Variants in SCMH1 observed in about 807,000 individuals in gnomAD.
SCMH1 encodes the protein polycomb protein SCMH1.
SCMH1 carries 37 observed loss-of-function variants against 70.8 expected under a neutral mutation model. The observed-to-expected ratio is 0.52, with a 90% CI of 0.40 to 0.69. The LOEUF (loss-of-function observed/expected upper bound fraction) is 0.69, where lower values mean the gene tolerates loss of function less well. Among genes scored for constraint, SCMH1 ranks in the 30% least tolerant of loss-of-function variants. SCMH1 has a pLI of 0.00. For missense variants in SCMH1, 607 were observed against 827.3 expected, an observed-to-expected ratio of 0.73 and a Z score of 3.27; for synonymous variants, 292 against 307.4, an observed-to-expected ratio of 0.95 and a Z score of 0.52.
intron 12 of SCMH1, chr1:41,045,938 C>T (rs1646848183): frequency 6.5e-6 from 1 of 153,432 alleles, no homozygotes; most frequent in Admixed American, 6.5e-5. Context: ...ACTTGCTAGA[C>T]TGGCAGTGCT....
At chr1:41,048,657 G>C (rs1371689642) in intron 11 of SCMH1, 33 bp downstream of exon 11, 2 of 1,598,034 alleles carry the variant, frequency 1.3e-6, no homozygotes, top group Non-Finnish European at 1.7e-6. Flanking sequence ...GGTCCTTCTG[G>C]CTGGGAGGCA....
intron 6 of SCMH1, among the ~76,000 whole-genome samples, chr1:41,129,264 A>T (rs1674005293): frequency 6.6e-6 from 1 of 152,104 alleles, no homozygotes; most frequent in Admixed American, 6.6e-5. Context: ...CATTAAGTCC[A>T]TTCACATTAT....
chr1:41,100,407 CATGGCCATT>C, intron 8 of SCMH1, among the ~76,000 whole-genome samples: 1 of 152,204 alleles, frequency 6.6e-6, no homozygotes, highest in East Asian at 1.9e-4. Context: ...CCTCATCTAG[CATGGCCATT>C]ATGTCTTTAA....
At position 41,181,406 on chromosome 1, in the gene SCMH1, C is replaced by A. The variant is rs1296014522; in HGVS notation, c.13+4715G>T. ...CAAAAGAAACTACCATCAGAGTGAA[C>A]AGGCAACCTACAGAATGGGAGAAAA... On this transcript the variant is annotated intron_variant, in intron 2 of 14. Transcript: ENST00000337495. Among the ~76,000 whole-genome samples, 4 of 152,150 alleles carry A rather than the reference C, an allele frequency of 2.6e-5. No homozygotes were observed. The South Asian group carries it at 6.2e-4, about 24-fold the overall frequency.
chr1:41,143,400 AC>A (rs1644273939), intron 5 of SCMH1, among the ~76,000 whole-genome samples: 1 of 152,090 alleles, frequency 6.6e-6, no homozygotes, highest in Non-Finnish European at 1.5e-5. Flanking sequence ...CTAACTCCCT[AC>A]CCTTCCAGGT....
At chr1:41,112,131 T>A (rs548922131) in intron 8 of SCMH1, among the ~76,000 whole-genome samples, 3 of 152,372 alleles carry the variant, frequency 2.0e-5, no homozygotes, top group South Asian at 2.1e-4. Context: ...ATTATCTATA[T>A]GAAATTATCT....
intron 1 of SCMH1, among the ~76,000 whole-genome samples, chr1:41,202,467 C>T (rs777794641): frequency 5.9e-5 from 9 of 152,100 alleles, no homozygotes; most frequent in Non-Finnish European, 1.3e-4. Flanking sequence ...CTTTAAGCCT[C>T]TGGAGTCCAT....
At chr1:41,081,252 A>C (rs1659927595) in intron 8 of SCMH1, among the ~76,000 whole-genome samples, 2 of 152,252 alleles carry the variant, frequency 1.3e-5, no homozygotes, top group Admixed American at 6.5e-5. Flanking sequence ...ATGGCCATGA[A>C]GGGATATGTT....
chr1:41,085,688 G>A (rs7535735), intron 8 of SCMH1, among the ~76,000 whole-genome samples: 6,696 of 152,170 alleles, frequency 0.044, 506 homozygotes, highest in African/African-American at 0.15. Context: ...GAGATGTGCT[G>A]TAAATATAAA....
chr1:41,130,601 GAATT>G (rs1674424545), intron 6 of SCMH1, among the ~76,000 whole-genome samples: 2 of 151,912 alleles, frequency 1.3e-5, no homozygotes, highest in South Asian at 4.1e-4. Flanking sequence ...TAGCATTACT[GAATT>G]AGATATGTAA....
At chr1:41,223,794 A>C (rs1659740189) in intron 1 of SCMH1, among the ~76,000 whole-genome samples, 1 of 152,172 alleles carries the variant, frequency 6.6e-6, no homozygotes, top group African/African-American at 2.4e-5. Flanking sequence ...AATAACCTGC[A>C]AACATTTGGG....
chr1:41,182,308 C>G (rs915043851), intron 2 of SCMH1, among the ~76,000 whole-genome samples: 1 of 152,152 alleles, frequency 6.6e-6, no homozygotes, highest in African/African-American at 2.4e-5. Context: ...ATGTAACTAA[C>G]CTGCACGTTG....
chr1:41,048,612 G>T, intron 11 of SCMH1, 78 bp downstream of exon 11: 1 of 1,287,120 alleles, frequency 7.8e-7, no homozygotes, highest in Non-Finnish European at 1.1e-6. Flanking sequence ...TGGGAACCAG[G>T]ATGCCTTACA....
chr1:41,204,074 A>G (rs543335186), intron 1 of SCMH1, among the ~76,000 whole-genome samples: 190 of 152,300 alleles, frequency 1.2e-3, no homozygotes, highest in African/African-American at 4.3e-3. Context: ...ATCTGCAGGC[A>G]CTATTATTAT....
At chr1:41,212,251 G>A (rs1262170800) in intron 1 of SCMH1, among the ~76,000 whole-genome samples, 2 of 152,142 alleles carry the variant, frequency 1.3e-5, no homozygotes, top group East Asian at 3.8e-4. Flanking sequence ...AAGGTAATGA[G>A]TGGATGGAAG....
At position 41,099,809 on chromosome 1, in the gene SCMH1, A is replaced by C. The variant is rs1443738019; in HGVS notation, c.745+13474T>G. Among the ~76,000 whole-genome samples the C allele has an allele frequency of 2.0e-5, 3 of 152,340 alleles. No homozygotes were observed. The East Asian group carries it at 5.8e-4, about 29-fold the overall frequency. The stretch of plus-strand genomic sequence containing the variant: ...TATAAATCCCACTGGAGGTTTGTGA[A>C]GTTTACTCAGATAATGTATCAAAGT... On this transcript the variant is annotated intron_variant, in intron 8 of 14. Coordinates refer to ENST00000337495, the Ensembl canonical transcript of SCMH1.
At chr1:41,071,305 A>G (rs151236259) in intron 9 of SCMH1, among the ~76,000 whole-genome samples, 70 of 152,180 alleles carry the variant, frequency 4.6e-4, no homozygotes, top group African/African-American at 1.7e-3. Flanking sequence ...CTCTTTTTAA[A>G]TTTATTTTAC....
chr1:41,087,483 C>G (rs147595677), intron 8 of SCMH1, among the ~76,000 whole-genome samples: 1 of 150,238 alleles, frequency 6.7e-6, no homozygotes, highest in Non-Finnish European at 1.5e-5. Context: ...TATAATCACA[C>G]GGGTAAATGA....
At chr1:41,115,938 T>C (rs1303764397) in intron 7 of SCMH1, among the ~76,000 whole-genome samples, 1 of 152,250 alleles carries the variant, frequency 6.6e-6, no homozygotes, top group East Asian at 1.9e-4. Context: ...TGTATGATTA[T>C]AATGAGCTTA....
Sources: allele counts gnomAD v4.1 joint callset (sites outside exome capture counted in the v4.1 genomes callset), GRCh38; gene constraint gnomAD v4.1.1; transcripts MANE v1.5; gene names NCBI Gene and HGNC (gene_info 2026-07-23, HGNC 2026-07-21).